Variants in USP10 observed in about 807,000 individuals in gnomAD.
USP10 encodes the protein ubiquitin carboxyl-terminal hydrolase 10.
A neutral mutation model predicts 84.5 loss-of-function variants in USP10; 22 were observed. The observed-to-expected ratio is 0.26, with a 90% confidence interval of 0.19 to 0.37. USP10 has a LOEUF of 0.37. USP10 is among the 10% of genes least tolerant of loss of function. The probability of loss-of-function intolerance (pLI) is 1.00; values close to 1 mark genes in which losing one functional copy is unlikely to be tolerated. For missense variants in USP10, 1,019 were observed against 998.9 expected, an observed-to-expected ratio of 1.02 and a Z score of -0.27; for synonymous variants, 454 against 387.6, an observed-to-expected ratio of 1.17 and a Z score of -2.01.
At position 84,745,314 on chromosome 16, in the gene USP10, C is replaced by A. The variant is rs762659559; in HGVS notation, c.833C>A (p.Thr278Asn). Residue 278 changes from threonine (T) to asparagine (N), a missense_variant, in exon 4 of 14, where the codon ACT becomes AAT. Coordinates refer to ENST00000219473, the MANE Select transcript of USP10 (RefSeq NM_005153.3). ...AGAQPCVGTDTTENLGVANGQ... is the reference protein window; with the variant it reads ...AGAQPCVGTDNTENLGVANGQ... ...GCTCAGCCCTGCGTTGGTACCGATACTACTGAAAACCTTGGAGTTGCTAAT... is the reference window on the plus strand; with the variant it reads ...GCTCAGCCCTGCGTTGGTACCGATAATACTGAAAACCTTGGAGTTGCTAAT... 3 of 1,613,102 alleles carry A rather than the reference C, an allele frequency of 1.9e-6. No homozygotes were observed. The highest frequency in any genetic ancestry group is 3.3e-5 in the Admixed American group (2 of 60,012).
intron 1 of USP10, among the ~76,000 whole-genome samples, chr16:84,723,681 C>T (rs1385096571): frequency 6.6e-6 from 1 of 152,208 alleles, no homozygotes; most frequent in Non-Finnish European, 1.5e-5. Flanking sequence ...TCTGGCTAAA[C>T]AAAGATGGAT....
chr16:84,761,030 A>G (rs1541697), intron 8 of USP10, among the ~76,000 whole-genome samples: 19,287 of 152,202 alleles, frequency 0.13, 1,365 homozygotes, highest in East Asian at 0.27. Flanking sequence ...CACCAGGGGT[A>G]GCATAGGGTC....
chr16:84,726,274 C>T (rs1049037670), intron 1 of USP10, among the ~76,000 whole-genome samples: 1 of 152,236 alleles, frequency 6.6e-6, no homozygotes, highest in Non-Finnish European at 1.5e-5. Flanking sequence ...TGGCGTTTCC[C>T]GCAGTTCCGG....
intron 13 of USP10, among the ~76,000 whole-genome samples, chr16:84,776,612 T>A (rs577287245): frequency 4.6e-5 from 7 of 152,176 alleles, no homozygotes; most frequent in Admixed American, 4.6e-4. Flanking sequence ...TGGCCAGCAG[T>A]TTCTCCGCCT....
Position 84,767,389 on chromosome 16 carries a change from G to A in USP10, c.1833-804G>A, listed in dbSNP as rs189090902. On this transcript the variant is annotated intron_variant, in intron 10 of 13. Transcript: ENST00000219473. Reference sequence around the variant, plus strand: ...GCTAAGAAAACAAGGTCAAATTGGCGCCCTTCTTGGAAGGGTGGCAGCCTT... The same window carrying A: ...GCTAAGAAAACAAGGTCAAATTGGCACCCTTCTTGGAAGGGTGGCAGCCTT... 1.6e-4 allele frequency among the ~76,000 whole-genome samples: 25 copies of A among 152,208 alleles called. 1 individual carries two copies. The South Asian group carries it at 2.3e-3, about 14-fold the overall frequency.
At chr16:84,700,920 C>A (rs756961300) in intron 1 of USP10, among the ~76,000 whole-genome samples, 2 of 152,054 alleles carry the variant, frequency 1.3e-5, no homozygotes, top group African/African-American at 4.8e-5. Context: ...TCTTCTCCCC[C>A]CTCCGCCATT....
At chr16:84,702,674 T>C (rs528572171) in intron 1 of USP10, among the ~76,000 whole-genome samples, 2 of 152,148 alleles carry the variant, frequency 1.3e-5, no homozygotes, top group Non-Finnish European at 2.9e-5. Context: ...CTGAGAATAA[T>C]GGGAGGTGGA....
At chr16:84,732,646 C>T (rs967550446) in intron 1 of USP10, 2 of 303,312 alleles carry the variant, frequency 6.6e-6, no homozygotes, top group South Asian at 2.5e-5. Flanking sequence ...GGGGGTTTCA[C>T]CATGTTGGCC....
intron 1 of USP10, 76 bp downstream of exon 1, chr16:84,700,187 C>G: frequency 8.9e-7 from 1 of 1,117,918 alleles, no homozygotes; most frequent in Non-Finnish European, 1.1e-6. Flanking sequence ...GGCGGGCGTC[C>G]GCGCCCTGCC....
intron 1 of USP10, among the ~76,000 whole-genome samples, chr16:84,705,199 G>A (rs1354508692): frequency 1.3e-5 from 2 of 152,066 alleles, no homozygotes; most frequent in African/African-American, 4.8e-5. Flanking sequence ...CTAATAAAAA[G>A]GTGAGTGTCC....
At chr16:84,726,115 A>T (rs376269292) in intron 1 of USP10, among the ~76,000 whole-genome samples, 7 of 152,252 alleles carry the variant, frequency 4.6e-5, no homozygotes, top group African/African-American at 1.7e-4. Context: ...TATTTCTATC[A>T]GTCCTTTTGA....
At chr16:84,778,065 A>G (rs1327112632) in intron 13 of USP10, among the ~76,000 whole-genome samples, 2 of 144,770 alleles carry the variant, frequency 1.4e-5, no homozygotes, top group African/African-American at 5.2e-5. Context: ...CTTCTTGGTT[A>G]TAGGATTTTT....
intron 9 of USP10, among the ~76,000 whole-genome samples, chr16:84,763,876 G>A (rs978745818): frequency 1.3e-5 from 2 of 151,332 alleles, no homozygotes; most frequent in South Asian, 2.1e-4. Context: ...CACCTGTTGC[G>A]ATTGGTTGCC....
At chr16:84,742,897 T>G (rs1164182076) in intron 3 of USP10, among the ~76,000 whole-genome samples, 1 of 152,222 alleles carries the variant, frequency 6.6e-6, no homozygotes, top group African/African-American at 2.4e-5. Context: ...CTGATAAGAT[T>G]GAGAATTGAG....
intron 10 of USP10, among the ~76,000 whole-genome samples, chr16:84,764,956 T>TATATATA (rs1328739117): frequency 1.1e-4 from 11 of 100,628 alleles, no homozygotes; most frequent in South Asian, 8.3e-4. Flanking sequence ...ATATATATAT[T>TATATATA]AGACTTCATC....
intron 8 of USP10, among the ~76,000 whole-genome samples, chr16:84,760,501 T>C (rs1457729829): frequency 6.6e-6 from 1 of 152,182 alleles, no homozygotes; most frequent in Non-Finnish European, 1.5e-5. Context: ...ATGGTCTCCT[T>C]GTTACGGTTA....
intron 9 of USP10, 131 bp from the exon 10 acceptor site, chr16:84,763,955 G>T: frequency 8.5e-7 from 1 of 1,170,078 alleles, no homozygotes; most frequent in Non-Finnish European, 1.2e-6. Context: ...TGTTGCGATT[G>T]GTTGCCGTGG....
chr16:84,757,981 G>A (rs1912783683), intron 4 of USP10, among the ~76,000 whole-genome samples: 1 of 152,222 alleles, frequency 6.6e-6, no homozygotes, highest in Admixed American at 6.5e-5. Context: ...TGGGACAGGG[G>A]GAGACCTTGT....
chr16:84,739,242 G>A (rs980786838), intron 2 of USP10, among the ~76,000 whole-genome samples: 1 of 146,234 alleles, frequency 6.8e-6, no homozygotes, highest in African/African-American at 2.5e-5. Context: ...GTATTTTTTA[G>A]TAGAGACAGG....
Sources: allele counts gnomAD v4.1 joint callset (sites outside exome capture counted in the v4.1 genomes callset), GRCh38; gene constraint gnomAD v4.1.1; transcripts MANE v1.5; gene names NCBI Gene and HGNC (gene_info 2026-07-23, HGNC 2026-07-21).